ZNF536: variants seen among roughly 807,000 people sequenced by gnomAD.
The protein encoded by ZNF536 is zinc finger protein 536.
A neutral mutation model predicts 84.5 loss-of-function variants in ZNF536; 13 were observed. The observed-to-expected ratio is 0.15, with a 90% CI of 0.10 to 0.24. The LOEUF (loss-of-function observed/expected upper bound fraction) is 0.24, where lower values mean the gene tolerates loss of function less well. Among genes scored for constraint, ZNF536 ranks in the 10% least tolerant of loss-of-function variants. ZNF536 has a pLI of 1.00. For synonymous variants in ZNF536, 811 were observed against 742.5 expected (o/e 1.09, Z -1.50); for missense variants, 1,536 against 1,747.5 (o/e 0.88, Z 2.16).
chr19:30,253,037 A>G (rs1251589587), intron 1 of ZNF536, among the ~76,000 whole-genome samples: 3 of 152,246 alleles, frequency 2.0e-5, no homozygotes, highest in Admixed American at 6.5e-5. Context: ...ATTTGGAATC[A>G]GTTTCTGAAG....
chr19:30,412,391 A>T (rs2050530075), intron 1 of ZNF536, among the ~76,000 whole-genome samples: 1 of 147,506 alleles, frequency 6.8e-6, no homozygotes, highest in African/African-American at 2.4e-5. Flanking sequence ...GTTGAATTTT[A>T]TCAAGTGATC....
intron 1 of ZNF536, among the ~76,000 whole-genome samples, chr19:30,670,404 A>T (rs578035580): frequency 2.6e-5 from 4 of 152,332 alleles, no homozygotes; most frequent in African/African-American, 9.6e-5. Flanking sequence ...GGTCACGATG[A>T]CTGCACCTGT....
chr19:30,327,993 C>T (rs1355003992), intron 2 of ZNF536, among the ~76,000 whole-genome samples: 12 of 152,212 alleles, frequency 7.9e-5, no homozygotes, highest in Admixed American at 7.9e-4. Flanking sequence ...TGCCCGTTTC[C>T]TCTTCTCTCA....
At chr19:30,636,075 C>T (rs2049055076) in intron 1 of ZNF536, among the ~76,000 whole-genome samples, 1 of 152,216 alleles carries the variant, frequency 6.6e-6, no homozygotes, top group Non-Finnish European at 1.5e-5. Flanking sequence ...TGTTTTCTCT[C>T]CCAGGTACCT....
intron 2 of ZNF536, among the ~76,000 whole-genome samples, chr19:30,482,276 A>C (rs926934338): frequency 1.3e-5 from 2 of 152,206 alleles, no homozygotes; most frequent in Non-Finnish European, 2.9e-5. Context: ...CAGTGGTTGT[A>C]CTAGTTCTCG....
intron 1 of ZNF536, among the ~76,000 whole-genome samples, chr19:30,608,224 AT>A (rs1458657629): frequency 2.6e-5 from 4 of 152,214 alleles, no homozygotes; most frequent in African/African-American, 9.7e-5. Context: ...ACCAGAATGA[AT>A]CTTGAAACCT....
intron 2 of ZNF536, among the ~76,000 whole-genome samples, chr19:30,512,507 C>A (rs2055454716): frequency 6.6e-6 from 1 of 151,978 alleles, no homozygotes; most frequent in Admixed American, 6.6e-5. Context: ...TCAAAACAGA[C>A]CCCTGTCCAA....
At chr19:30,371,481 A>G (rs2048608993), upstream of ZNF536, among the ~76,000 whole-genome samples, 1 of 151,850 alleles carries the variant, frequency 6.6e-6, no homozygotes, top group Admixed American at 6.6e-5. Context: ...CCATTGGCAT[A>G]TGCGTTTGGG....
At chr19:30,253,299 C>T (rs1227246375) in intron 1 of ZNF536, among the ~76,000 whole-genome samples, 3 of 152,200 alleles carry the variant, frequency 2.0e-5, no homozygotes, top group Non-Finnish European at 2.9e-5. Flanking sequence ...TTTTTGAAGT[C>T]TGTTGCTATA....
chr19:30,573,857 G>A (rs2046637246), intron 1 of ZNF536, among the ~76,000 whole-genome samples: 1 of 152,174 alleles, frequency 6.6e-6, no homozygotes, highest in Non-Finnish European at 1.5e-5. Flanking sequence ...ACCGTGACCA[G>A]CAGGGGTTCA....
chr19:30,378,308 G>A (rs971632655), intron 1 of ZNF536, among the ~76,000 whole-genome samples: 9 of 152,190 alleles, frequency 5.9e-5, no homozygotes, highest in Admixed American at 3.9e-4. Flanking sequence ...CTACAGGCAT[G>A]AGCCACCATG....
At chr19:30,483,084 C>A (rs1231170626) in intron 2 of ZNF536, among the ~76,000 whole-genome samples, 1 of 152,230 alleles carries the variant, frequency 6.6e-6, no homozygotes, top group African/African-American at 2.4e-5. Flanking sequence ...TCCAGCCCCA[C>A]CCTCACTGTG....
chr19:30,713,313 A>T (rs1034543290), exon 2 of ZNF536: 8 of 152,208 alleles, frequency 5.3e-5, no homozygotes. Flanking sequence ...TAACTTCTGT[A>T]GTCTGTGATG....
chr19:30,665,394 G>A (rs1232383829), intron 1 of ZNF536: 2 of 152,192 alleles, frequency 1.3e-5, no homozygotes, highest in Non-Finnish European at 2.9e-5. Flanking sequence ...AAGCAGTAAT[G>A]CGTTGTTTGA....
rs1396572396 is a variant in ZNF536 at position 30,543,531 on chromosome 19, T to C, written c.2324-4412T>C. On this transcript the variant is annotated intron_variant, in intron 3 of 4. Coordinates refer to ENST00000355537, the MANE Select transcript of ZNF536 (RefSeq NM_014717.3). ...GGCCCAATGCCTGGCTCTTTTGGCATGGATCTGGCCATGTCCGGAGGCCTG... is the reference window on the plus strand; with the variant it reads ...GGCCCAATGCCTGGCTCTTTTGGCACGGATCTGGCCATGTCCGGAGGCCTG... Among the ~76,000 whole-genome samples, 7 of 152,326 alleles carry C rather than the reference T, an allele frequency of 4.6e-5. No homozygotes were observed. In the South Asian group the frequency reaches 1.2e-3, roughly 27 times the overall value.
intron 1 of ZNF536, among the ~76,000 whole-genome samples, chr19:30,418,743 C>T (rs2050835195): frequency 6.6e-6 from 1 of 152,112 alleles, no homozygotes; most frequent in African/African-American, 2.4e-5. Context: ...CATCACTAAA[C>T]CTTCACCTCT....
intron 2 of ZNF536, among the ~76,000 whole-genome samples, chr19:30,504,821 A>G (rs2145397847): frequency 6.6e-6 from 1 of 152,160 alleles, no homozygotes; most frequent in East Asian, 1.9e-4. Context: ...TGAGACCTAA[A>G]GAAGCTGTGA....
chr19:30,511,349 G>A (rs745759733), intron 2 of ZNF536, among the ~76,000 whole-genome samples: 4 of 152,300 alleles, frequency 2.6e-5, no homozygotes, highest in Non-Finnish European at 4.4e-5. Context: ...CAGCTATGAC[G>A]TGAAATTTTA....
chr19:30,243,627 T>G (rs1374248449), intron 1 of ZNF536, among the ~76,000 whole-genome samples: 1 of 152,202 alleles, frequency 6.6e-6, no homozygotes, highest in Admixed American at 6.5e-5. Context: ...TTTCCCCAAC[T>G]TAGAGAAGAG....
Sources: gnomAD v4.1 joint callset for allele counts (sites outside exome capture counted in the v4.1 genomes callset) on GRCh38, gnomAD v4.1.1 for gene constraint, MANE v1.5 for transcripts, NCBI Gene and HGNC (gene_info 2026-07-23, HGNC 2026-07-21) for gene names.